The following TTI2 variants were observed in gnomAD, a reference collection of about 807,000 sequenced individuals.
TTI2 encodes the protein TELO2 interacting protein 2.
Under a neutral mutation model 44.9 loss-of-function variants are expected in TTI2, and 26 were observed. The observed-to-expected ratio is 0.58, with a 90% CI of 0.42 to 0.80. The LOEUF (loss-of-function observed/expected upper bound fraction) is 0.80. TTI2 is among the 30% of genes least tolerant of loss of function. The probability of loss-of-function intolerance (pLI) is 0.00; values close to 1 mark genes in which losing one functional copy is unlikely to be tolerated. For synonymous variants in TTI2, 254 were observed against 250.9 expected (o/e 1.01, Z -0.12); for missense variants, 582 against 611.6 (o/e 0.95, Z 0.51).
At position 33,509,716 on chromosome 8, in the gene TTI2, A is replaced by ACAGATG. The variant is rs766837848; in HGVS notation, c.834+29_834+30insCATCTG. The ACAGATG allele has an allele frequency of 6.8e-6, 11 of 1,607,214 alleles. No individual in the cohort carries two copies. In the East Asian group the frequency reaches 2.5e-4, roughly 36 times the overall value. Reference sequence around the variant, plus strand: ...CAGGAATGACTCAGTCTGTCCTGTCAACACAGATGACAAGCCAGAGGTTGC... The same window carrying ACAGATG: ...CAGGAATGACTCAGTCTGTCCTGTCACAGATGACACAGATGACAAGCCAGAGGTTGC... On this transcript the variant is annotated intron_variant, in intron 3 of 7. Transcript: ENST00000431156.
At chr8:33,499,308 T>A (rs1183929289) in intron 7 of TTI2, 31 bp from the exon 8 acceptor site, 3 of 432,740 alleles carry the variant, frequency 6.9e-6, no homozygotes, top group African/African-American at 2.1e-5. Context: ...GGCTTTGATA[T>A]TTTTTTTTTT....
chr8:33,500,243 C>T, intron 7 of TTI2, 85 bp downstream of exon 7: 1 of 1,522,672 alleles, frequency 6.6e-7, no homozygotes, highest in Non-Finnish European at 9.0e-7. Context: ...CTTGGTCAGG[C>T]ACATACATAG....
rs1053490810 is a variant in TTI2, at chr8:33,503,703, TC to T, written c.1115+44del. 1.9e-6 allele frequency: 3 copies of T among 1,611,026 alleles called. No homozygotes were observed. The African/African-American group carries it at 4.0e-5, about 22-fold the overall frequency. On this transcript the variant is annotated intron_variant, in intron 5 of 7. Coordinates refer to ENST00000431156, the MANE Select transcript of TTI2 (RefSeq NM_001102401.4). ...GAGCAGCTCAAGCAACATAGCAAGA[TC>T]CTGTCTGTATAAAATAATAATAAAT...
Position 33,499,068 on chromosome 8 carries a change from A to C in TTI2, c.*105T>G, listed in dbSNP as rs1044993431. 6.9e-5 allele frequency: 66 copies of C among 959,194 alleles called. No individual in the cohort carries two copies. In the Admixed American group the frequency reaches 1.3e-3, roughly 19 times the overall value. 59.4% of individuals were successfully genotyped at this position (959,194 alleles called of 1,614,324 possible). ...AGGAAGGAAGGAAAAAGCAGCTTTC[A>C]CTTACAAAGTTTCGTGTAAAAATAT... On this transcript the variant is annotated 3_prime_UTR_variant, in exon 8 of 8. Transcript: ENST00000431156.
Position 33,498,739 on chromosome 8 carries a change from A to C in TTI2, c.*434T>G, listed in dbSNP as rs1001490144. 11 of 898,632 alleles carry C rather than the reference A, an allele frequency of 1.2e-5. No individual in the cohort carries two copies. Among genetic ancestry groups the C allele is most frequent in the Admixed American group, 2.9e-5 (1 of 34,938 alleles). 55.7% of individuals were successfully genotyped at this position (898,632 alleles called of 1,614,324 possible). On this transcript the variant is annotated 3_prime_UTR_variant, in exon 8 of 8. Transcript: ENST00000431156. Reference sequence around the variant, plus strand: ...GTTTTTGCTCTTTTGTGTTGTACTGAACACAATATTTGTGTTTTTATTATT... The same window carrying C: ...GTTTTTGCTCTTTTGTGTTGTACTGCACACAATATTTGTGTTTTTATTATT...
chr8:33,499,429 G>T (rs562624934), intron 7 of TTI2, 152 bp from the exon 8 acceptor site: 15 of 623,136 alleles, frequency 2.4e-5, no homozygotes, highest in East Asian at 1.4e-4. Flanking sequence ...GTATTAGTTG[G>T]TTTTTTATTA....
chr8:33,500,399 T>C lies in TTI2; in HGVS notation c.1351A>G (p.Lys451Glu), dbSNP rs773323960. ...GTGGCCTCCTGTAGCAGGGCGCTCT[T>C]AACAGACTCAGGTGTAAGGTTTGGA... Reference protein sequence around the residue: ...RDPNLTPESVKSALLQEATDC... With the variant: ...RDPNLTPESVESALLQEATDC... Residue 451 changes from lysine (K) to glutamate (E), a missense_variant, in exon 7 of 8, where the codon AAG (lysine) becomes GAG (glutamate). Lys to Glu is a moderately conservative substitution (Grantham distance 56). Transcript: ENST00000431156. The C allele has an allele frequency of 6.2e-6, 10 of 1,614,062 alleles. No individual in the cohort carries two copies. The highest frequency in any genetic ancestry group is 7.6e-6 in the Non-Finnish European group (9 of 1,180,032).
At chr8:33,511,804 G>C (rs573317497) in intron 2 of TTI2, among the ~76,000 whole-genome samples, 163 bp downstream of exon 2, 1 of 152,240 alleles carries the variant, frequency 6.6e-6, no homozygotes, top group Non-Finnish European at 1.5e-5. Flanking sequence ...CAGGAGAATC[G>C]CTTGAACCCA....
intron 4 of TTI2, among the ~76,000 whole-genome samples, chr8:33,505,920 T>C (rs1048658122): frequency 1.3e-5 from 2 of 152,182 alleles, no homozygotes; most frequent in African/African-American, 2.4e-5. Context: ...CTCAAAGTGC[T>C]AGGATTACAG....
chr8:33,509,467 AAAAAAAAAAG>A (rs1396005612), intron 3 of TTI2, among the ~76,000 whole-genome samples: 1 of 146,528 alleles, frequency 6.8e-6, no homozygotes, highest in Non-Finnish European at 1.5e-5. Flanking sequence ...AAAAAAAAAA[AAAAAAAAAAG>A]AAAGAAAGAA....
chr8:33,512,623 C>A lies in TTI2; in HGVS notation c.-10G>T. The A allele has an allele frequency of 3.1e-6, 5 of 1,611,898 alleles. No individual in the cohort carries two copies. Among genetic ancestry groups the A allele is most frequent in the Non-Finnish European group, 4.2e-6 (5 of 1,179,984 alleles). ...CGCTGTCAAGCTCCATTCCTGACTG[C>A]AGCACCAGAAGGCTGGTCTCTCCCA... On this transcript the variant is annotated 5_prime_UTR_variant, in exon 2 of 8. Transcript: ENST00000431156.
In TTI2 at chr8:33,503,953, A is replaced by AG; in HGVS notation, c.928-19_928-18insC. On this transcript the variant is annotated intron_variant, in intron 4 of 7. Coordinates refer to ENST00000431156, the MANE Select transcript of TTI2 (RefSeq NM_001102401.4). ...AGCACAGCCTAGGAGGAAGGAATGG[A>AG]AGGACGGTGCATAGTTCATCCATTT... 1 of 1,613,316 alleles carries AG rather than the reference A, an allele frequency of 6.2e-7. No individual in the cohort carries two copies. Among genetic ancestry groups the AG allele is most frequent in the Non-Finnish European group, 8.5e-7 (1 of 1,179,618 alleles).
Position 33,509,210 on chromosome 8 carries a change from T to G in TTI2, c.834+536A>C, listed in dbSNP as rs188273259. 8.0e-3 allele frequency among the ~76,000 whole-genome samples: 1,205 copies of G among 150,618 alleles called. 11 individuals carry two copies. Among genetic ancestry groups the G allele is most frequent in the Non-Finnish European group, 0.013 (853 of 67,732 alleles). On this transcript the variant is annotated intron_variant, in intron 3 of 7. Coordinates refer to ENST00000431156, the MANE Select transcript of TTI2 (RefSeq NM_001102401.4). ...GCTCACGCCTGTAATCCCAGCACTTTGGGAGGCTGAGGCTGAGGCAGGTGG... is the reference window on the plus strand; with the variant it reads ...GCTCACGCCTGTAATCCCAGCACTTGGGGAGGCTGAGGCTGAGGCAGGTGG...
chr8:33,507,092 A>G (rs959640424), intron 4 of TTI2, 137 bp downstream of exon 4: 12 of 751,804 alleles, frequency 1.6e-5, no homozygotes, highest in Middle Eastern at 3.3e-4. Flanking sequence ...GATATTTTTA[A>G]CTTGGCAACG....
chr8:33,509,998 A>G, intron 2 of TTI2, 66 bp from the exon 3 acceptor site: 2 of 1,150,224 alleles, frequency 1.7e-6, no homozygotes, highest in Non-Finnish European at 2.5e-6. Flanking sequence ...AAAAAAAAAA[A>G]ACTACTTCAA....
chr8:33,509,629 T>G lies in TTI2; in HGVS notation c.834+117A>C, dbSNP rs941055021. 5 of 1,018,850 alleles carry G rather than the reference T, an allele frequency of 4.9e-6. No individual in the cohort carries two copies. In the African/African-American group the frequency reaches 6.4e-5, roughly 13 times the overall value. 63.1% of individuals were successfully genotyped at this position (1,018,850 alleles called of 1,614,324 possible). A position where few individuals can be genotyped will look rare whatever the true frequency, so the allele number is the denominator to read the frequency against. On this transcript the variant is annotated intron_variant, in intron 3 of 7. Transcript: ENST00000431156. ...CTACCAGGTGGATAGAGGAAAAATA[T>G]AAGGAGAAAATACAAATAAGTAAAG...
Position 33,503,938 on chromosome 8 carries a change from AG to A in TTI2, c.928-4del. On this transcript the variant is annotated splice_polypyrimidine_tract_variant and splice_region_variant and intron_variant, in intron 4 of 7. Transcript: ENST00000431156. ...TCCAGCAGACACAGGAGCACAGCCT[AG>A]GAGGAAGGAATGGAAGGACGGTGCA... The A allele has an allele frequency of 1.2e-6, 2 of 1,614,010 alleles. No individual in the cohort carries two copies. The highest frequency in any genetic ancestry group is 1.7e-6 in the Non-Finnish European group (2 of 1,180,012).
chr8:33,505,410 T>C (rs1809258396), intron 4 of TTI2, among the ~76,000 whole-genome samples: 1 of 152,030 alleles, frequency 6.6e-6, no homozygotes, highest in Non-Finnish European at 1.5e-5. Flanking sequence ...TAAAGCTAAG[T>C]ATCACCTCCT....
chr8:33,509,877 G>C lies in TTI2; in HGVS notation c.703C>G (p.Gln235Glu), dbSNP rs1212918529. ...IKHVFSWTLQ[Q>E]VTRPWLSQHL... ...TGGCTCAGCCAGGGCCGAGTGACCT[G>C]TTGCAGAGTCCATGAGAAAACATGT... Residue 235 changes from glutamine to glutamate, a missense_variant, in exon 3 of 8, where the codon CAG becomes GAG. Physicochemically the swap from Gln to Glu is conservative, Grantham distance 29. Coordinates refer to ENST00000431156, the MANE Select transcript of TTI2 (RefSeq NM_001102401.4). 6.2e-7 allele frequency: 1 copy of C among 1,603,802 alleles called. No individual in the cohort carries two copies. The highest frequency in any genetic ancestry group is 1.3e-5 in the African/African-American group (1 of 74,204).
Sources: allele counts gnomAD v4.1 joint callset (sites outside exome capture counted in the v4.1 genomes callset), GRCh38; gene constraint gnomAD v4.1.1; transcripts MANE v1.5; gene names NCBI Gene and HGNC (gene_info 2026-07-23, HGNC 2026-07-21).